Variants in BACH2 observed in about 807,000 individuals in gnomAD.
BACH2 encodes the protein transcription regulator protein BACH2.
In BACH2, 5 loss-of-function variants were observed where a neutral mutation model predicts 61.8. The observed-to-expected ratio is 0.08, with a 90% CI of 0.04 to 0.17. BACH2 has a LOEUF of 0.17. BACH2 is among the 10% of genes least tolerant of loss of function. The pLI is 1.00. For missense variants in BACH2, 824 were observed against 1,091.1 expected (o/e 0.76, Z 3.45); for synonymous variants, 446 against 440.1 (o/e 1.01, Z -0.17).
chr6:90,266,999 C>T (rs1220911771), intron 2 of BACH2, among the ~76,000 whole-genome samples: 1 of 152,024 alleles, frequency 6.6e-6, no homozygotes. Context: ...TATAAAGATG[C>T]CCCACCCTGT....
intron 5 of BACH2, among the ~76,000 whole-genome samples, chr6:90,060,657 T>C (rs765313813): frequency 2.0e-5 from 3 of 152,150 alleles, no homozygotes; most frequent in Non-Finnish European, 4.4e-5. Flanking sequence ...TAACGCTAGT[T>C]TTGCTGATTT....
At chr6:89,969,950 G>A (rs1237900968) in intron 6 of BACH2, among the ~76,000 whole-genome samples, 1 of 152,122 alleles carries the variant, frequency 6.6e-6, no homozygotes, top group African/African-American at 2.4e-5. Flanking sequence ...AATTTTAGAT[G>A]GTGGGGGTTG....
chr6:89,964,822 C>T (rs141899970), intron 6 of BACH2, among the ~76,000 whole-genome samples: 1 of 152,300 alleles, frequency 6.6e-6, no homozygotes, highest in African/African-American at 2.4e-5. Context: ...CTCTTCTAAT[C>T]TCCTAGTGCT....
At chr6:90,208,359 GA>G (rs1176347240) in intron 3 of BACH2, among the ~76,000 whole-genome samples, 3 of 151,402 alleles carry the variant, frequency 2.0e-5, no homozygotes, top group Admixed American at 6.6e-5. Context: ...AAATTTACAA[GA>G]AAAAAAACAA....
intron 4 of BACH2, among the ~76,000 whole-genome samples, chr6:90,186,758 T>C (rs184483130): frequency 1.3e-5 from 2 of 152,292 alleles, no homozygotes; most frequent in African/African-American, 4.8e-5. Context: ...TTGCATGATG[T>C]AACATAATAC....
intron 3 of BACH2, among the ~76,000 whole-genome samples, chr6:90,245,714 C>G (rs1433685086): frequency 1.3e-5 from 2 of 152,178 alleles, no homozygotes; most frequent in Non-Finnish European, 2.9e-5. Flanking sequence ...AGATGAACTT[C>G]AAGAACTAGC....
At chr6:90,212,204 T>C (rs1769378276) in intron 3 of BACH2, among the ~76,000 whole-genome samples, 1 of 144,648 alleles carries the variant, frequency 6.9e-6, no homozygotes, top group Admixed American at 7.2e-5. Context: ...TGAAAAAATA[T>C]AAGGTCATTT....
At chr6:90,176,908 C>A (rs1260427689) in intron 4 of BACH2, among the ~76,000 whole-genome samples, 1 of 152,152 alleles carries the variant, frequency 6.6e-6, no homozygotes, top group Admixed American at 6.6e-5. Flanking sequence ...AGCCTCCAAG[C>A]CACTTAGATT....
In BACH2 at chr6:90,092,315, T is replaced by TATATATATATATATATATAC. The variant is rs142761642; in HGVS notation, c.-161-3207_-161-3206insGTATATATATATATATATAT. On this transcript the variant is annotated intron_variant, in intron 4 of 8. Coordinates refer to ENST00000257749, the MANE Select transcript of BACH2 (RefSeq NM_021813.4). ...AAATATATATATATATATATATATA[T>TATATATATATATATATATAC]ACACACACACACATTGCATCACTTG... 4.0e-4 allele frequency among the ~76,000 whole-genome samples: 45 copies of TATATATATATATATATATAC among 112,382 alleles called. 1 individual carries two copies. In the East Asian group the frequency reaches 0.013, roughly 33 times the overall value. 73.7% of individuals were successfully genotyped at this position (112,382 alleles called of 152,430 possible). A position where few individuals can be genotyped will look rare whatever the true frequency, so the allele number is the denominator to read the frequency against.
At chr6:90,076,597 C>T (rs991112741) in intron 5 of BACH2, among the ~76,000 whole-genome samples, 4 of 152,162 alleles carry the variant, frequency 2.6e-5, no homozygotes, top group Admixed American at 2.6e-4. Flanking sequence ...CAACAGCCCC[C>T]TTTCCCTTTG....
intron 4 of BACH2, among the ~76,000 whole-genome samples, chr6:90,123,466 C>T (rs1173486878): frequency 6.6e-6 from 1 of 152,152 alleles, no homozygotes; most frequent in Non-Finnish European, 1.5e-5. Context: ...AAGGCTAGGA[C>T]AGCTTATAAG....
chr6:89,961,116 T>C (rs1439591561), intron 6 of BACH2, among the ~76,000 whole-genome samples: 1 of 152,146 alleles, frequency 6.6e-6, no homozygotes, highest in Non-Finnish European at 1.5e-5. Flanking sequence ...TTTCCTAGGT[T>C]AGTGACAGGC....
At chr6:90,127,905 C>T (rs754654249) in intron 4 of BACH2, among the ~76,000 whole-genome samples, 2 of 152,192 alleles carry the variant, frequency 1.3e-5, no homozygotes, top group Non-Finnish European at 2.9e-5. Context: ...GTAAAAACTA[C>T]GCAGTGCAAG....
chr6:90,221,107 G>A (rs943874565), intron 3 of BACH2, among the ~76,000 whole-genome samples: 7 of 152,130 alleles, frequency 4.6e-5, no homozygotes, highest in African/African-American at 1.7e-4. Flanking sequence ...ATGAAATTTA[G>A]GAATAGAACA....
At chr6:89,962,073 T>A (rs533795451) in intron 6 of BACH2, among the ~76,000 whole-genome samples, 1 of 152,252 alleles carries the variant, frequency 6.6e-6, no homozygotes, top group South Asian at 2.1e-4. Flanking sequence ...CTTTCTTCTC[T>A]TTGTTTTGCA....
chr6:90,101,668 A>C (rs1782633730), intron 4 of BACH2, among the ~76,000 whole-genome samples: 1 of 152,182 alleles, frequency 6.6e-6, no homozygotes, highest in Non-Finnish European at 1.5e-5. Context: ...TTGCATTTCC[A>C]TATGAATTTT....
intron 3 of BACH2, among the ~76,000 whole-genome samples, chr6:90,237,708 G>T (rs1200292255): frequency 2.0e-5 from 3 of 152,138 alleles, no homozygotes; most frequent in African/African-American, 7.2e-5. Context: ...TGAACCTGCT[G>T]GGAAATGTCA....
chr6:90,265,698 C>T (rs182676127), intron 2 of BACH2, among the ~76,000 whole-genome samples: 36 of 152,272 alleles, frequency 2.4e-4, no homozygotes, highest in African/African-American at 8.4e-4. Flanking sequence ...GGTAAGGTAC[C>T]TTTCTATCTA....
intron 2 of BACH2, among the ~76,000 whole-genome samples, chr6:90,254,261 A>T (rs1206391412): frequency 1.3e-5 from 2 of 152,076 alleles, no homozygotes; most frequent in Non-Finnish European, 2.9e-5. Context: ...AGACAGACTC[A>T]ATTAAGTATA....
Sources: allele counts gnomAD v4.1 joint callset (sites outside exome capture counted in the v4.1 genomes callset), GRCh38; gene constraint gnomAD v4.1.1; transcripts MANE v1.5; gene names NCBI Gene and HGNC (gene_info 2026-07-23, HGNC 2026-07-21).